The following TOPAZ1 variants were observed in gnomAD, a reference collection of about 807,000 sequenced individuals.
TOPAZ1 encodes the protein testis and ovary specific TOPAZ 1, also known as protein TOPAZ1.
TOPAZ1 carries 66 observed loss-of-function variants against 172.2 expected under a neutral mutation model. The ratio of observed to expected loss-of-function variants is 0.38; its 90% confidence interval spans 0.31 to 0.47. The LOEUF (loss-of-function observed/expected upper bound fraction) is 0.47, where lower values mean the gene tolerates loss of function less well. Ranked by LOEUF, TOPAZ1 falls within the 20% of genes least tolerant of loss-of-function variation. The probability of loss-of-function intolerance (pLI) is 0.99; values close to 1 mark genes in which losing one functional copy is unlikely to be tolerated. For missense variants in TOPAZ1, 1,822 were observed against 1,972.4 expected (o/e 0.92, Z 1.44); for synonymous variants, 681 against 683.9 (o/e 1.00, Z 0.07).
At chr3:44,287,919 G>T in intron 11 of TOPAZ1, 80 bp downstream of exon 11, 1 of 679,308 alleles carries the variant, frequency 1.5e-6, no homozygotes, top group East Asian at 3.2e-5. Flanking sequence ...GTACCCTTGA[G>T]CTGCCTTTTA....
intron 12 of TOPAZ1, among the ~76,000 whole-genome samples, chr3:44,302,171 G>A (rs948048276): frequency 2.0e-5 from 3 of 152,156 alleles, no homozygotes; most frequent in South Asian, 2.1e-4. Flanking sequence ...AGCACTTTGG[G>A]AGGCCGAGGT....
At chr3:44,315,533 ATTT>A (rs369669969) in intron 16 of TOPAZ1, among the ~76,000 whole-genome samples, 2 of 128,914 alleles carry the variant, frequency 1.6e-5, no homozygotes, top group Non-Finnish European at 3.3e-5. Context: ...ACGTCTGGCT[ATTT>A]TTTTTTTTTT....
intron 4 of TOPAZ1, among the ~76,000 whole-genome samples, chr3:44,257,467 ATAGTGTGTGTGTGTGT>A (rs1381931149): frequency 2.8e-5 from 3 of 106,048 alleles, no homozygotes; most frequent in Non-Finnish European, 5.7e-5. Flanking sequence ...ATATATATAT[ATAGTGTGTGTGTGTGT>A]GTGTGTGTGT....
intron 9 of TOPAZ1, among the ~76,000 whole-genome samples, chr3:44,283,884 T>A (rs1700050902): frequency 2.0e-5 from 3 of 152,228 alleles, no homozygotes; most frequent in Non-Finnish European, 4.4e-5. Context: ...ATAACCATGG[T>A]ACATTTATCC....
intron 8 of TOPAZ1, among the ~76,000 whole-genome samples, chr3:44,271,978 A>C (rs376556710): frequency 6.6e-6 from 1 of 152,140 alleles, no homozygotes; most frequent in African/African-American, 2.4e-5. Context: ...TTTAGATTCC[A>C]TATGTAAATG....
At chr3:44,303,865 T>G (rs1036916049) in intron 12 of TOPAZ1, 150 bp from the exon 13 acceptor site, 1 of 414,488 alleles carries the variant, frequency 2.4e-6, no homozygotes, top group African/African-American at 2.1e-5. Flanking sequence ...TATAGCTGCC[T>G]TTTTTTCAGC....
chr3:44,263,717 A>G (rs192754757), intron 5 of TOPAZ1, among the ~76,000 whole-genome samples: 1 of 152,262 alleles, frequency 6.6e-6, no homozygotes, highest in East Asian at 1.9e-4. Context: ...AACTTATTAG[A>G]ATTATTTTTA....
chr3:44,260,058 G>T (rs1699758475), intron 4 of TOPAZ1, among the ~76,000 whole-genome samples: 2 of 152,114 alleles, frequency 1.3e-5, no homozygotes, highest in Admixed American at 6.6e-5. Context: ...GCGTTTGGTA[G>T]TTCCTCCTGC....
At chr3:44,298,012 G>T (rs1260102736) in intron 12 of TOPAZ1, among the ~76,000 whole-genome samples, 2 of 152,216 alleles carry the variant, frequency 1.3e-5, no homozygotes, top group African/African-American at 4.8e-5. Flanking sequence ...CATGGGTTGG[G>T]AGACTTAATA....
chr3:44,295,320 T>C (rs1295867212), intron 12 of TOPAZ1, among the ~76,000 whole-genome samples: 2 of 152,120 alleles, frequency 1.3e-5, no homozygotes, highest in South Asian at 4.1e-4. Flanking sequence ...ACCAATACAG[T>C]AGATGAATAA....
At chr3:44,265,388 C>T (rs903242548) in intron 5 of TOPAZ1, among the ~76,000 whole-genome samples, 9 of 152,102 alleles carry the variant, frequency 5.9e-5, no homozygotes, top group African/African-American at 2.2e-4. Flanking sequence ...GAAACCCCAC[C>T]TCTACTAAAA....
chr3:44,310,237 T>C (rs1347425864), intron 16 of TOPAZ1, among the ~76,000 whole-genome samples: 4 of 152,218 alleles, frequency 2.6e-5, no homozygotes, highest in South Asian at 2.1e-4. Flanking sequence ...TGGTGACTCA[T>C]GCCTGTAATC....
chr3:44,265,201 G>A (rs958914050), intron 5 of TOPAZ1, among the ~76,000 whole-genome samples: 1 of 152,164 alleles, frequency 6.6e-6, no homozygotes, highest in Non-Finnish European at 1.5e-5. Flanking sequence ...TAAATAATAA[G>A]TCTTGAAAGT....
intron 2 of TOPAZ1, among the ~76,000 whole-genome samples, chr3:44,254,268 A>G (rs567580646): frequency 1.3e-5 from 2 of 152,270 alleles, no homozygotes; most frequent in South Asian, 4.2e-4. Context: ...ACTACCAAAA[A>G]AAATTGAGCT....
chr3:44,269,356 C>T (rs988646073), intron 7 of TOPAZ1, 55 bp downstream of exon 7: 49 of 985,654 alleles, frequency 5.0e-5, no homozygotes, highest in Non-Finnish European at 6.9e-5. Flanking sequence ...CCCCCTCCTC[C>T]TCCTTCTCCT....
chr3:44,264,135 A>G lies in TOPAZ1; in HGVS notation c.3020+1652A>G, dbSNP rs145854937. On this transcript the variant is annotated intron_variant, in intron 5 of 19. Coordinates refer to ENST00000309765, the MANE Select transcript of TOPAZ1 (RefSeq NM_001145030.2). ...TCAGACCTTTTGTTTAGCATAGTCA[A>G]AAATATTTTGCTCTAATCTTAACCA... 9.7e-3 allele frequency among the ~76,000 whole-genome samples: 1,471 copies of G among 152,316 alleles called. 10 individuals carry two copies. Among genetic ancestry groups the G allele is most frequent in the Middle Eastern group, 0.02 (6 of 294 alleles).
At chr3:44,317,610 G>C (rs922131463) in intron 16 of TOPAZ1, among the ~76,000 whole-genome samples, 2 of 152,180 alleles carry the variant, frequency 1.3e-5, no homozygotes, top group Non-Finnish European at 2.9e-5. Context: ...AGTAATGACT[G>C]AATGTGCATA....
At chr3:44,270,158 A>G (rs1287770266) in intron 7 of TOPAZ1, among the ~76,000 whole-genome samples, 1 of 152,254 alleles carries the variant, frequency 6.6e-6, no homozygotes, top group Non-Finnish European at 1.5e-5. Flanking sequence ...AAAAAGCTTT[A>G]ACTCTGTCAT....
intron 3 of TOPAZ1, among the ~76,000 whole-genome samples, chr3:44,255,722 T>C (rs7431719): frequency 0.099 from 1,091 of 11,056 alleles, 80 homozygotes; most frequent in African/African-American, 0.15. Flanking sequence ...CACACACACA[T>C]ATATATATGG....
Sources: allele counts gnomAD v4.1 joint callset (sites outside exome capture counted in the v4.1 genomes callset), GRCh38; gene constraint gnomAD v4.1.1; transcripts MANE v1.5; gene names NCBI Gene and HGNC (gene_info 2026-07-23, HGNC 2026-07-21).